Variants in KIF26B observed in about 807,000 individuals in gnomAD.
KIF26B encodes kinesin family member 26B.
A neutral mutation model predicts 151.2 loss-of-function variants in KIF26B; 63 were observed. The observed-to-expected ratio is 0.42, with a 90% confidence interval of 0.34 to 0.51. The LOEUF (loss-of-function observed/expected upper bound fraction) is 0.51. Ranked by LOEUF, KIF26B falls within the 20% of genes least tolerant of loss-of-function variation. KIF26B has a pLI of 0.07. For missense variants in KIF26B, 2,813 were observed against 2,913.6 expected (o/e 0.97, Z 0.79); for synonymous variants, 1,357 against 1,262.1 (o/e 1.08, Z -1.59).
chr1:245,522,148 T>A (rs188255800), intron 4 of KIF26B, among the ~76,000 whole-genome samples: 2 of 151,968 alleles, frequency 1.3e-5, no homozygotes, highest in Non-Finnish European at 2.9e-5. Context: ...GGATTACAGG[T>A]GTGAGCCACC....
chr1:245,384,240 T>C (rs887119488), intron 3 of KIF26B, among the ~76,000 whole-genome samples: 3 of 152,104 alleles, frequency 2.0e-5, no homozygotes, highest in African/African-American at 7.2e-5. Flanking sequence ...GTCCACTGTC[T>C]CTCTCCACTT....
At chr1:245,677,200 C>T (rs1572195747) in intron 10 of KIF26B, among the ~76,000 whole-genome samples, 1 of 152,296 alleles carries the variant, frequency 6.6e-6, no homozygotes, top group East Asian at 1.9e-4. Context: ...GGTCCTTCAG[C>T]CAGAGTGGGT....
At chr1:245,701,758 C>T (rs943305673) in intron 14 of KIF26B, among the ~76,000 whole-genome samples, 2 of 152,324 alleles carry the variant, frequency 1.3e-5, no homozygotes, top group Non-Finnish European at 2.9e-5. Flanking sequence ...CTCTTCAGAG[C>T]TTGTCTCGTG....
intron 4 of KIF26B, among the ~76,000 whole-genome samples, chr1:245,537,017 C>T (rs369559208): frequency 1.3e-5 from 2 of 152,184 alleles, no homozygotes; most frequent in African/African-American, 2.4e-5. Context: ...GGAACATAGA[C>T]GCCCACCTCT....
At chr1:245,285,783 T>C (rs1296452309) in intron 2 of KIF26B, among the ~76,000 whole-genome samples, 1 of 151,746 alleles carries the variant, frequency 6.6e-6, no homozygotes, top group Non-Finnish European at 1.5e-5. Context: ...TTCAGTCTGC[T>C]CCACGTGCAA....
chr1:245,420,136 G>C (rs1333258797), intron 4 of KIF26B, among the ~76,000 whole-genome samples: 1 of 152,170 alleles, frequency 6.6e-6, no homozygotes, highest in Non-Finnish European at 1.5e-5. Context: ...CCTCTGGTGG[G>C]TGTTTCCAGA....
chr1:245,405,262 C>T (rs528228100), intron 3 of KIF26B, among the ~76,000 whole-genome samples: 2 of 152,228 alleles, frequency 1.3e-5, no homozygotes, highest in South Asian at 4.2e-4. Context: ...GTAAGGGATC[C>T]GAACCTCCAA....
At chr1:245,476,059 G>GA (rs1184828496) in intron 4 of KIF26B, among the ~76,000 whole-genome samples, 8 of 151,864 alleles carry the variant, frequency 5.3e-5, no homozygotes. Context: ...TTGCACAATG[G>GA]AAAGTTATTC....
intron 2 of KIF26B, among the ~76,000 whole-genome samples, chr1:245,212,042 C>G (rs1669546016): frequency 1.3e-5 from 2 of 152,124 alleles, no homozygotes; most frequent in African/African-American, 4.8e-5. Context: ...GGAAGGGTCC[C>G]CCCTTAGCCG....
intron 3 of KIF26B, among the ~76,000 whole-genome samples, chr1:245,402,205 C>T (rs568779817): frequency 6.6e-6 from 1 of 152,338 alleles, no homozygotes; most frequent in African/African-American, 2.4e-5. Flanking sequence ...ATTGAAAGAA[C>T]TCCCACTTAC....
At chr1:245,588,139 C>T (rs2043246775) in intron 5 of KIF26B, among the ~76,000 whole-genome samples, 1 of 152,158 alleles carries the variant, frequency 6.6e-6, no homozygotes, top group Admixed American at 6.5e-5. Context: ...ACGGCATATA[C>T]TTTAATTTGG....
At chr1:245,531,122 G>A (rs1661348407) in intron 4 of KIF26B, among the ~76,000 whole-genome samples, 1 of 152,126 alleles carries the variant, frequency 6.6e-6, no homozygotes, top group African/African-American at 2.4e-5. Flanking sequence ...CCTATAATAT[G>A]GAGATATGTT....
At chr1:245,507,696 A>C (rs1042915173) in intron 4 of KIF26B, among the ~76,000 whole-genome samples, 3 of 152,138 alleles carry the variant, frequency 2.0e-5, no homozygotes, top group Admixed American at 1.3e-4. Flanking sequence ...TGAACATGAG[A>C]GACAGTGGAG....
intron 5 of KIF26B, among the ~76,000 whole-genome samples, chr1:245,591,046 C>A (rs2043284093): frequency 6.6e-6 from 1 of 152,034 alleles, no homozygotes; most frequent in African/African-American, 2.4e-5. Flanking sequence ...AAAGGGAGAT[C>A]CAGGGAAGCA....
At chr1:245,620,982 A>G (rs1459805867) in intron 9 of KIF26B, among the ~76,000 whole-genome samples, 1 of 152,144 alleles carries the variant, frequency 6.6e-6, no homozygotes, top group Non-Finnish European at 1.5e-5. Context: ...CTTCTTATGC[A>G]GGTGACCCAG....
At chr1:245,666,135 G>C (rs1005224743) in intron 10 of KIF26B, among the ~76,000 whole-genome samples, 2 of 151,334 alleles carry the variant, frequency 1.3e-5, no homozygotes, top group Admixed American at 6.6e-5. Context: ...CAAGTGGCTG[G>C]GATTACAGGC....
intron 2 of KIF26B, among the ~76,000 whole-genome samples, chr1:245,278,759 G>C (rs1670983051): frequency 6.6e-6 from 1 of 152,060 alleles, no homozygotes; most frequent in Non-Finnish European, 1.5e-5. Flanking sequence ...CCAGTACATT[G>C]GGCTCATTAG....
intron 9 of KIF26B, among the ~76,000 whole-genome samples, chr1:245,613,880 T>G (rs537381558): frequency 6.6e-6 from 1 of 152,320 alleles, no homozygotes; most frequent in South Asian, 2.1e-4. Context: ...TTTTGGCCAA[T>G]CTATACAGTC....
At chr1:245,625,128 C>A (rs763211026) in intron 9 of KIF26B, among the ~76,000 whole-genome samples, 36 of 152,162 alleles carry the variant, frequency 2.4e-4, no homozygotes, top group Non-Finnish European at 4.6e-4. Flanking sequence ...ATTTGTCTAT[C>A]TTTACACCAA....
Sources: allele counts gnomAD v4.1 joint callset (sites outside exome capture counted in the v4.1 genomes callset), GRCh38; gene constraint gnomAD v4.1.1; transcripts MANE v1.5; gene names NCBI Gene and HGNC (gene_info 2026-07-23, HGNC 2026-07-21).